The following MYO5B variants were observed in gnomAD, a reference collection of about 807,000 sequenced individuals.
MYO5B encodes the protein myosin VB, also known as unconventional myosin-Vb.
A neutral mutation model predicts 229.3 loss-of-function variants in MYO5B; 143 were observed. The ratio of observed to expected loss-of-function variants is 0.62; its 90% CI spans 0.54 to 0.72. The LOEUF is 0.72. Ranked by LOEUF, MYO5B falls within the 30% of genes least tolerant of loss-of-function variation. The pLI is 0.00. For synonymous variants in MYO5B, 918 were observed against 885.2 expected (o/e 1.04, Z -0.66); for missense variants, 2,321 against 2,331.0 (o/e 1.00, Z 0.09).
At chr18:50,027,748 TAAG>T (rs2026346682) in intron 4 of MYO5B, among the ~76,000 whole-genome samples, 1 of 152,186 alleles carries the variant, frequency 6.6e-6, no homozygotes, top group Non-Finnish European at 1.5e-5. Flanking sequence ...CACTTCTAGA[TAAG>T]AACGACACAA....
intron 4 of MYO5B, among the ~76,000 whole-genome samples, chr18:50,020,068 A>C (rs1357031489): frequency 6.6e-6 from 1 of 152,148 alleles, no homozygotes; most frequent in East Asian, 1.9e-4. Context: ...CAAAGCCTGC[A>C]GCTCCACACC....
chr18:50,100,788 T>A (rs2031639389), intron 1 of MYO5B, among the ~76,000 whole-genome samples: 1 of 152,214 alleles, frequency 6.6e-6, no homozygotes, highest in African/African-American at 2.4e-5. Context: ...TTGTCTTTGC[T>A]TTGCAAGGAA....
chr18:50,101,430 T>C (rs1282559493), intron 1 of MYO5B, among the ~76,000 whole-genome samples: 1 of 151,972 alleles, frequency 6.6e-6, no homozygotes, highest in Non-Finnish European at 1.5e-5. Context: ...TTGACACATA[T>C]TAAAAAGAAA....
chr18:49,835,306 T>C (rs377726769), intron 39 of MYO5B, 38 bp downstream of exon 39: 3 of 1,459,788 alleles, frequency 2.1e-6, no homozygotes, highest in Non-Finnish European at 2.9e-6. Flanking sequence ...TTTATAGTCG[T>C]AGACTGGACT....
At chr18:49,919,025 C>T (rs2025047388) in intron 17 of MYO5B, among the ~76,000 whole-genome samples, 1 of 152,198 alleles carries the variant, frequency 6.6e-6, no homozygotes, top group Admixed American at 6.5e-5. Context: ...GACCTGATTA[C>T]TTAACTTTTC....
At chr18:50,137,575 G>C (rs879285166) in intron 1 of MYO5B, among the ~76,000 whole-genome samples, 4 of 152,048 alleles carry the variant, frequency 2.6e-5, no homozygotes, top group Non-Finnish European at 5.9e-5. Context: ...GTTTCTCTTA[G>C]TTCCTCAAAG....
chr18:50,017,020 T>C (rs917766098), intron 4 of MYO5B, among the ~76,000 whole-genome samples: 7 of 152,130 alleles, frequency 4.6e-5, no homozygotes, highest in African/African-American at 1.7e-4. Context: ...TTAATCTACT[T>C]TCTGTACCTA....
At chr18:49,942,979 T>C (rs1467062498) in intron 14 of MYO5B, among the ~76,000 whole-genome samples, 1 of 152,026 alleles carries the variant, frequency 6.6e-6, no homozygotes, top group African/African-American at 2.4e-5. Context: ...TGTTCAACAA[T>C]GATAGACTGG....
chr18:49,888,527 G>C (rs1422920744), intron 22 of MYO5B, among the ~76,000 whole-genome samples: 1 of 152,182 alleles, frequency 6.6e-6, no homozygotes, highest in Non-Finnish European at 1.5e-5. Flanking sequence ...GCACGGGTTT[G>C]GGAATGTGAA....
rs552718289 is a variant in MYO5B, at chr18:49,945,644, C to T, written c.1752+7616G>A. 2.5e-3 allele frequency among the ~76,000 whole-genome samples: 386 copies of T among 152,206 alleles called. 1 individual carries two copies. Among genetic ancestry groups the T allele is most frequent in the African/African-American group, 8.6e-3 (358 of 41,518 alleles). ...TTATCCAGTAGCCACATGTTAAAGGCCCATTTGTTTGTCCTCACTGTCTAT... is the reference window on the plus strand; with the variant it reads ...TTATCCAGTAGCCACATGTTAAAGGTCCATTTGTTTGTCCTCACTGTCTAT... On this transcript the variant is annotated intron_variant, in intron 14 of 39. Coordinates refer to ENST00000285039, the MANE Select transcript of MYO5B (RefSeq NM_001080467.3).
chr18:50,033,642 C>T lies in MYO5B; in HGVS notation c.455+3208G>A, dbSNP rs544953193. Among the ~76,000 whole-genome samples the T allele has an allele frequency of 1.8e-4, 28 of 152,202 alleles. No homozygotes were observed. The South Asian group carries it at 3.7e-3, about 20-fold the overall frequency. On this transcript the variant is annotated intron_variant, in intron 4 of 39. Coordinates refer to ENST00000285039, the MANE Select transcript of MYO5B (RefSeq NM_001080467.3). ...AAATGAGTGAGTGGGCCTTCTGGGTCTCAGACAGGGAAGGAGGAGTAGAAA... is the reference window on the plus strand; with the variant it reads ...AAATGAGTGAGTGGGCCTTCTGGGTTTCAGACAGGGAAGGAGGAGTAGAAA...
At chr18:49,886,493 GCA>G in intron 22 of MYO5B, among the ~76,000 whole-genome samples, 1 of 152,214 alleles carries the variant, frequency 6.6e-6, no homozygotes, top group East Asian at 1.9e-4. Flanking sequence ...TAAATGATAA[GCA>G]CAGTCAGGGA....
At chr18:50,153,412 T>C (rs1486888847) in intron 1 of MYO5B, among the ~76,000 whole-genome samples, 1 of 152,156 alleles carries the variant, frequency 6.6e-6, no homozygotes, top group Non-Finnish European at 1.5e-5. Flanking sequence ...TCTATTCTTA[T>C]ATATTTATAA....
chr18:49,918,233 T>C (rs2025038045), intron 17 of MYO5B, among the ~76,000 whole-genome samples: 1 of 152,212 alleles, frequency 6.6e-6, no homozygotes, highest in Non-Finnish European at 1.5e-5. Context: ...AATGGACCAA[T>C]ATGGACAGAT....
intron 4 of MYO5B, among the ~76,000 whole-genome samples, chr18:50,035,550 G>T (rs992846782): frequency 6.6e-6 from 1 of 152,174 alleles, no homozygotes; most frequent in Non-Finnish European, 1.5e-5. Flanking sequence ...AGAAACTCAT[G>T]CGCAGGCTGC....
chr18:49,864,174 G>T lies in MYO5B; in HGVS notation c.3810C>A (p.Ser1270Arg). 6.2e-7 allele frequency: 1 copy of T among 1,611,662 alleles called. No individual in the cohort carries two copies. Among genetic ancestry groups the T allele is most frequent in the South Asian group, 1.1e-5 (1 of 91,080 alleles). ...TGCCGGCGAGTCGCCGCTGGTCGGCGCTCACGATCTGGGTCCTGAGGATGA... is the reference window on the plus strand; with the variant it reads ...TGCCGGCGAGTCGCCGCTGGTCGGCTCTCACGATCTGGGTCCTGAGGATGA... Reference protein sequence around the residue: ...EVLILRTQIVSADQRRLAGRN... With the variant: ...EVLILRTQIVRADQRRLAGRN... Residue 1270 changes from serine to arginine, a missense_variant, in exon 28 of 40, where the codon AGC (serine) becomes AGA (arginine). This residue lies in a region of MYO5B where 2,113 missense variants were observed against 2,044.7 expected (regional missense o/e 1.03). Transcript: ENST00000285039.
At chr18:50,054,338 T>C (rs1289647579) in intron 2 of MYO5B, among the ~76,000 whole-genome samples, 1 of 152,182 alleles carries the variant, frequency 6.6e-6, no homozygotes, top group Non-Finnish European at 1.5e-5. Context: ...CTCATCTCTT[T>C]AAAAATAAAA....
chr18:50,028,767 C>A (rs574759680), intron 4 of MYO5B, among the ~76,000 whole-genome samples: 1 of 152,204 alleles, frequency 6.6e-6, no homozygotes, highest in Non-Finnish European at 1.5e-5. Flanking sequence ...TAATTTCCAC[C>A]GGGTGACGCA....
At chr18:50,146,718 C>A (rs986153421) in intron 1 of MYO5B, among the ~76,000 whole-genome samples, 2 of 152,186 alleles carry the variant, frequency 1.3e-5, no homozygotes, top group African/African-American at 4.8e-5. Flanking sequence ...CTGTATTTTG[C>A]GATCTCTTTA....
Sources: gnomAD v4.1 joint callset for allele counts (sites outside exome capture counted in the v4.1 genomes callset) on GRCh38, gnomAD v4.1.1 for gene constraint, gnomAD v4.1.1 regional missense constraint, MANE v1.5 for transcripts, NCBI Gene and HGNC (gene_info 2026-07-23, HGNC 2026-07-21) for gene names.